The following KCNH1 variants were observed in gnomAD, a reference collection of about 807,000 sequenced individuals.
The protein encoded by KCNH1 is voltage-gated delayed rectifier potassium channel KCNH1.
Under a neutral mutation model 69.2 loss-of-function variants are expected in KCNH1, and 27 were observed. The observed-to-expected ratio is 0.39, with a 90% CI of 0.29 to 0.54. The LOEUF is 0.54. Ranked by LOEUF, KCNH1 falls within the 20% of genes least tolerant of loss-of-function variation. The probability of loss-of-function intolerance (pLI) is 0.68; values close to 1 mark genes in which losing one functional copy is unlikely to be tolerated. For missense variants in KCNH1, 798 were observed against 1,261.6 expected (o/e 0.63, Z 5.57); for synonymous variants, 456 against 487.7 (o/e 0.93, Z 0.86).
At chr1:210,860,555 T>C (rs1685955584) in intron 7 of KCNH1, 3 of 859,566 alleles carry the variant, frequency 3.5e-6, no homozygotes, top group East Asian at 2.4e-5. Flanking sequence ...TCTACTGCAA[T>C]AGGAGTAACT....
intron 7 of KCNH1, among the ~76,000 whole-genome samples, chr1:210,890,687 C>T (rs1352490495): frequency 6.6e-6 from 1 of 151,152 alleles, no homozygotes; most frequent in African/African-American, 2.4e-5. Context: ...GGAACTTAAA[C>T]AAATTGACAA....
intron 1 of KCNH1, among the ~76,000 whole-genome samples, chr1:211,115,716 T>TATATATATATATATA: frequency 1.0e-5 from 1 of 98,440 alleles, no homozygotes; most frequent in South Asian, 4.5e-4. Flanking sequence ...TATATATATA[T>TATATATATATATATA]GTATATATAT....
chr1:210,943,278 C>A (rs1023629756), intron 6 of KCNH1, among the ~76,000 whole-genome samples: 5 of 152,150 alleles, frequency 3.3e-5, no homozygotes, highest in Admixed American at 1.3e-4. Context: ...AAATTCTCCC[C>A]CAAACTCAAC....
chr1:210,834,459 TCA>T (rs1685238597), intron 7 of KCNH1, among the ~76,000 whole-genome samples: 1 of 135,714 alleles, frequency 7.4e-6, no homozygotes, highest in Admixed American at 7.6e-5. Flanking sequence ...CCGCATATTC[TCA>T]CTCATAGGTG....
At chr1:210,814,822 C>T (rs1684780465) in intron 7 of KCNH1, among the ~76,000 whole-genome samples, 1 of 152,188 alleles carries the variant, frequency 6.6e-6, no homozygotes, top group Admixed American at 6.5e-5. Flanking sequence ...GTTTCTTCAG[C>T]TCTTGGCTTT....
chr1:210,848,664 A>G (rs1289667449), intron 7 of KCNH1, among the ~76,000 whole-genome samples: 1 of 152,190 alleles, frequency 6.6e-6, no homozygotes, highest in Non-Finnish European at 1.5e-5. Context: ...TCAAGATAGA[A>G]TCTTGGTCAC....
chr1:210,928,715 A>G (rs1216875765), intron 6 of KCNH1, among the ~76,000 whole-genome samples: 1 of 152,176 alleles, frequency 6.6e-6, no homozygotes, highest in Non-Finnish European at 1.5e-5. Context: ...GAGCAGAACT[A>G]AATGAAACAA....
intron 5 of KCNH1, among the ~76,000 whole-genome samples, chr1:211,080,506 C>T (rs1690831941): frequency 6.6e-6 from 1 of 152,150 alleles, no homozygotes; most frequent in African/African-American, 2.4e-5. Flanking sequence ...GCCCATATTG[C>T]CAAGACAATC....
intron 6 of KCNH1, among the ~76,000 whole-genome samples, chr1:210,933,936 AG>A (rs982279290): frequency 5.9e-5 from 9 of 152,238 alleles, no homozygotes; most frequent in African/African-American, 2.2e-4. Context: ...CATTGGGGAA[AG>A]GACAGTATCT....
At chr1:210,925,643 A>AG in intron 6 of KCNH1, among the ~76,000 whole-genome samples, 1 of 152,336 alleles carries the variant, frequency 6.6e-6, no homozygotes, top group South Asian at 2.1e-4. Context: ...GACTCAGCAC[A>AG]GGCAGCCATC....
intron 5 of KCNH1, among the ~76,000 whole-genome samples, chr1:211,028,798 C>T (rs1314265115): frequency 6.6e-6 from 1 of 151,868 alleles, no homozygotes; most frequent in Non-Finnish European, 1.5e-5. Flanking sequence ...AATCCCCAGG[C>T]CCAGATGGTT....
intron 5 of KCNH1, among the ~76,000 whole-genome samples, chr1:211,060,885 C>G (rs1275420926): frequency 6.6e-6 from 1 of 152,030 alleles, no homozygotes; most frequent in Admixed American, 6.6e-5. Flanking sequence ...CAAACATAAA[C>G]AAGAACTAAT....
chr1:211,114,197 G>C (rs1691526159), intron 1 of KCNH1, among the ~76,000 whole-genome samples: 1 of 152,048 alleles, frequency 6.6e-6, no homozygotes, highest in African/African-American at 2.4e-5. Context: ...GGGAAAAATA[G>C]GGCTCTCCAT....
At chr1:211,047,314 A>T (rs976151922) in intron 5 of KCNH1, among the ~76,000 whole-genome samples, 23 of 152,368 alleles carry the variant, frequency 1.5e-4, no homozygotes, top group African/African-American at 4.6e-4. Flanking sequence ...TAATGGATCA[A>T]CTATATACAT....
At chr1:211,019,845 T>A (rs1036100229) in intron 5 of KCNH1, among the ~76,000 whole-genome samples, 9 of 152,166 alleles carry the variant, frequency 5.9e-5, no homozygotes, top group South Asian at 2.1e-4. Flanking sequence ...AATCAAAACA[T>A]GTGGAACTTG....
At chr1:210,709,691 AAG>A (rs971403801) in intron 10 of KCNH1, among the ~76,000 whole-genome samples, 1 of 149,772 alleles carries the variant, frequency 6.7e-6, no homozygotes. Context: ...GAGATATACA[AAG>A]AGAGAAAAAG....
At chr1:210,931,642 T>C (rs115972632) in intron 6 of KCNH1, among the ~76,000 whole-genome samples, 38 of 152,044 alleles carry the variant, frequency 2.5e-4, no homozygotes, top group African/African-American at 8.2e-4. Context: ...ACAACAACTG[T>C]TCCCCAGAAA....
At chr1:210,962,376 T>C (rs1193749617) in intron 6 of KCNH1, among the ~76,000 whole-genome samples, 1 of 152,200 alleles carries the variant, frequency 6.6e-6, no homozygotes, top group East Asian at 1.9e-4. Flanking sequence ...TATTACTTCA[T>C]CTTGGCAGAA....
At chr1:210,959,244 G>C (rs1688249158) in intron 6 of KCNH1, among the ~76,000 whole-genome samples, 1 of 152,156 alleles carries the variant, frequency 6.6e-6, no homozygotes, top group Non-Finnish European at 1.5e-5. Context: ...CACCAGCAGA[G>C]GCTGCAGAAC....
Sources: gnomAD v4.1 joint callset for allele counts (sites outside exome capture counted in the v4.1 genomes callset) on GRCh38, gnomAD v4.1.1 for gene constraint, MANE v1.5 for transcripts, NCBI Gene and HGNC (gene_info 2026-07-23, HGNC 2026-07-21) for gene names.